The following GALNT14 variants were observed in gnomAD, a reference collection of about 807,000 sequenced individuals.
The protein encoded by GALNT14 is UDP-GalNAc:polypeptide N-acetylgalactosaminyltransferase 14.
Under a neutral mutation model 77.5 loss-of-function variants are expected in GALNT14, and 60 were observed. The ratio of observed to expected loss-of-function variants is 0.77; its 90% CI spans 0.63 to 0.96. The LOEUF is 0.96. Among genes scored for constraint, GALNT14 ranks in the 40% least tolerant of loss-of-function variants. The pLI is 0.00. For synonymous variants in GALNT14, 280 were observed against 281.7 expected, an observed-to-expected ratio of 0.99 and a Z score of 0.06; for missense variants, 710 against 731.0, an observed-to-expected ratio of 0.97 and a Z score of 0.33.
At chr2:30,942,390 C>G in intron 8 of GALNT14, 86 bp from the exon 9 acceptor site, 1 of 933,162 alleles carries the variant, frequency 1.1e-6, no homozygotes, top group Non-Finnish European at 1.7e-6. Context: ...TCTGAAACAC[C>G]CATTTCCCAT....
intron 1 of GALNT14, among the ~76,000 whole-genome samples, chr2:31,057,501 A>AGGCTC (rs1341091419): frequency 6.7e-6 from 1 of 150,342 alleles, no homozygotes; most frequent in African/African-American, 2.5e-5. Flanking sequence ...CAAGCCTGGG[A>AGGCTC]GACTCAACTT....
intron 1 of GALNT14, chr2:31,132,575 A>G (rs1248426674): frequency 7.6e-6 from 3 of 395,002 alleles, no homozygotes; most frequent in African/African-American, 6.3e-5. Context: ...TCACACTGAA[A>G]TTGCCTTTGC....
At chr2:31,130,783 T>TGCGTGC (rs1678951078) in intron 1 of GALNT14, among the ~76,000 whole-genome samples, 1 of 118,634 alleles carries the variant, frequency 8.4e-6, no homozygotes, top group African/African-American at 3.7e-5. Context: ...TGTGTGTGTG[T>TGCGTGC]GCGCGCGCAC....
At chr2:31,008,913 C>T (rs1025967573) in intron 1 of GALNT14, among the ~76,000 whole-genome samples, 4 of 152,128 alleles carry the variant, frequency 2.6e-5, no homozygotes, top group East Asian at 3.9e-4. Flanking sequence ...ACTGCTCAGG[C>T]CAGGATGCCA....
chr2:31,107,237 C>T (rs1219795967), intron 1 of GALNT14, among the ~76,000 whole-genome samples: 2 of 152,150 alleles, frequency 1.3e-5, no homozygotes, highest in Non-Finnish European at 2.9e-5. Context: ...TTCAGTTTTG[C>T]TCACCCTAGT....
At chr2:30,919,528 C>G (rs77227394) in intron 13 of GALNT14, among the ~76,000 whole-genome samples, 4,321 of 152,254 alleles carry the variant, frequency 0.028, 214 homozygotes, top group African/African-American at 0.097. Context: ...TTCTCTGGTG[C>G]TTTTACTCCA....
intron 1 of GALNT14, among the ~76,000 whole-genome samples, chr2:31,031,613 T>C (rs955767408): frequency 5.3e-5 from 8 of 152,162 alleles, no homozygotes; most frequent in Non-Finnish European, 8.8e-5. Flanking sequence ...GTTGAAGAAA[T>C]CTAGTCCCCA....
intron 13 of GALNT14, among the ~76,000 whole-genome samples, chr2:30,916,410 C>A (rs1217238026): frequency 6.6e-6 from 1 of 152,202 alleles, no homozygotes; most frequent in Non-Finnish European, 1.5e-5. Context: ...GGTCCGGGAA[C>A]CGTCCCTCCT....
chr2:31,001,259 A>T (rs1670354462), intron 1 of GALNT14, among the ~76,000 whole-genome samples: 1 of 152,102 alleles, frequency 6.6e-6, no homozygotes, highest in African/African-American at 2.4e-5. Flanking sequence ...CCATAACTAG[A>T]TTCTACAAGG....
intron 1 of GALNT14, among the ~76,000 whole-genome samples, chr2:31,097,145 T>C (rs1205476820): frequency 6.6e-6 from 1 of 152,092 alleles, no homozygotes; most frequent in Non-Finnish European, 1.5e-5. Context: ...GATACAGTGA[T>C]GGAATCTTCT....
intron 2 of GALNT14, among the ~76,000 whole-genome samples, chr2:30,972,503 T>C (rs1181420371): frequency 6.6e-6 from 1 of 152,206 alleles, no homozygotes; most frequent in African/African-American, 2.4e-5. Flanking sequence ...ACATATTTAC[T>C]GCTCACAGTA....
intron 6 of GALNT14, among the ~76,000 whole-genome samples, chr2:30,954,328 T>C (rs1330467734): frequency 7.9e-5 from 12 of 152,094 alleles, no homozygotes; most frequent in Non-Finnish European, 4.4e-5. Flanking sequence ...CTAGAAGATA[T>C]CAAAAAAGAG....
At chr2:31,066,768 C>T (rs1373604321) in intron 1 of GALNT14, among the ~76,000 whole-genome samples, 2 of 152,046 alleles carry the variant, frequency 1.3e-5, no homozygotes, top group East Asian at 1.9e-4. Flanking sequence ...CCACCCCCCA[C>T]CAAGGCCAGC....
Position 31,120,478 on chromosome 2 carries a change from G to A in GALNT14, c.129+17480C>T, listed in dbSNP as rs116187085. 2.1e-3 allele frequency among the ~76,000 whole-genome samples: 322 copies of A among 152,250 alleles called. 2 individuals are homozygous for A. Among genetic ancestry groups the A allele is most frequent in the African/African-American group, 7.4e-3 (307 of 41,542 alleles). ...ATCACACAGACAATAGCCCATTTAC[G>A]TAAATCATCCATTTTGATTTTCTCT... On this transcript the variant is annotated intron_variant, in intron 1 of 14. Coordinates refer to ENST00000349752, the MANE Select transcript of GALNT14 (RefSeq NM_024572.4).
intron 2 of GALNT14, among the ~76,000 whole-genome samples, chr2:30,989,693 GTA>G (rs1319334783): frequency 3.2e-5 from 4 of 123,302 alleles, no homozygotes; most frequent in Non-Finnish European, 5.0e-5. Context: ...ATATATATTA[GTA>G]TATATATAAA....
intron 13 of GALNT14, among the ~76,000 whole-genome samples, chr2:30,923,805 C>A (rs1665184656): frequency 6.6e-6 from 1 of 152,150 alleles, no homozygotes; most frequent in Non-Finnish European, 1.5e-5. Context: ...CCTGACCCTG[C>A]CCACGGTTGC....
intron 1 of GALNT14, among the ~76,000 whole-genome samples, chr2:31,100,880 C>A (rs1431293124): frequency 6.6e-6 from 1 of 151,936 alleles, no homozygotes; most frequent in Admixed American, 6.6e-5. Flanking sequence ...CTTACATTAG[C>A]GTATGATTAG....
At position 30,910,993 on chromosome 2, in the gene GALNT14, A is replaced by C; in HGVS notation, c.1567T>G (p.Phe523Val). The C allele has an allele frequency of 1.2e-6, 2 of 1,614,044 alleles. No homozygotes were observed. ...ASHLCLDTDMFGDGTENGKEI... is the reference protein window; with the variant it reads ...ASHLCLDTDMVGDGTENGKEI... ...TTGCCGTTCTCGGTGCCATCACCGA[A>C]CATATCTGTATCGAGGCAGAGGTGG... Residue 523 changes from phenylalanine to valine, a missense_variant, in exon 15 of 15, where the codon TTC becomes GTC. Phe to Val is a conservative substitution (Grantham distance 50). Transcript: ENST00000349752.
chr2:30,956,048 C>T (rs1667351442), intron 4 of GALNT14, 71 bp from the exon 5 acceptor site: 4 of 1,482,744 alleles, frequency 2.7e-6, no homozygotes, highest in Admixed American at 1.7e-5. Flanking sequence ...GTGTGCACTG[C>T]AGGTGAACCT....
Sources: allele counts gnomAD v4.1 joint callset (sites outside exome capture counted in the v4.1 genomes callset), GRCh38; gene constraint gnomAD v4.1.1; transcripts MANE v1.5; gene names NCBI Gene and HGNC (gene_info 2026-07-23, HGNC 2026-07-21).